Variants in NFATC1 observed in about 807,000 individuals in gnomAD.
The protein encoded by NFATC1 is nuclear factor of activated T-cells, cytoplasmic 1.
NFATC1 carries 22 observed loss-of-function variants against 76.0 expected under a neutral mutation model. That is an observed-to-expected ratio of 0.29 (90% CI 0.21 to 0.41). The LOEUF (loss-of-function observed/expected upper bound fraction) is 0.41, where lower values mean the gene tolerates loss of function less well. Among genes scored for constraint, NFATC1 ranks in the 10% least tolerant of loss-of-function variants. The pLI is 1.00. For synonymous variants in NFATC1, 704 were observed against 613.1 expected (o/e 1.15, Z -2.19); for missense variants, 1,357 against 1,337.7 (o/e 1.01, Z -0.23).
At chr18:79,474,655 G>A (rs34177656) in intron 8 of NFATC1, among the ~76,000 whole-genome samples, 24,771 of 142,460 alleles carry the variant, frequency 0.17, 2,362 homozygotes, top group East Asian at 0.33. Flanking sequence ...CACTGTCAAC[G>A]TTGTAAACCT....
Position 79,447,338 on chromosome 18 carries a change from C to T in NFATC1, c.1387-1444C>T, listed in dbSNP as rs147081510. On this transcript the variant is annotated intron_variant, in intron 3 of 9. Transcript: ENST00000427363. ...GCCCTGAGTGGGCAGCAGGCATCTG[C>T]GTGGTCAGGGGCAGGCGTCGCATTT... 3.5e-3 allele frequency among the ~76,000 whole-genome samples: 533 copies of T among 152,378 alleles called. 2 individuals are homozygous for T. The highest frequency in any genetic ancestry group is 0.012 in the African/African-American group (502 of 41,590).
At chr18:79,457,707 C>G (rs966774755) in intron 6 of NFATC1, among the ~76,000 whole-genome samples, 1 of 152,198 alleles carries the variant, frequency 6.6e-6, no homozygotes, top group African/African-American at 2.4e-5. Flanking sequence ...AGTGGCCACC[C>G]CTGCTCTCCC....
chr18:79,519,357 G>A (rs1395056856), intron 9 of NFATC1, among the ~76,000 whole-genome samples: 1 of 152,110 alleles, frequency 6.6e-6, no homozygotes, highest in African/African-American at 2.4e-5. Flanking sequence ...TCCTGAGACA[G>A]GGTCTTGCTC....
chr18:79,463,078 C>T (rs1039176093), intron 7 of NFATC1, among the ~76,000 whole-genome samples: 1 of 152,342 alleles, frequency 6.6e-6, no homozygotes, highest in Admixed American at 6.5e-5. Context: ...CAGCGCCCTT[C>T]CCCCAAGGAC....
Position 79,400,408 on chromosome 18 carries a change from A to C in NFATC1, c.127+4057A>C, listed in dbSNP as rs1416634770. On this transcript the variant is annotated intron_variant, in intron 1 of 9. Transcript: ENST00000427363. ...CGACCCGCCATGACGGGGCTGGAGGACCAGGAGTTCGACTTCGAGTTCCTC... is the reference window on the plus strand; with the variant it reads ...CGACCCGCCATGACGGGGCTGGAGGCCCAGGAGTTCGACTTCGAGTTCCTC... 4 of 1,493,138 alleles carry C rather than the reference A, an allele frequency of 2.7e-6. No individual in the cohort carries two copies. The African/African-American group carries it at 4.4e-5, about 16-fold the overall frequency. The allele number at this position is 1,493,138 out of a possible 1,614,324, so 92.5% of individuals were successfully genotyped here.
At chr18:79,492,706 C>T (rs2089717678) in intron 9 of NFATC1, among the ~76,000 whole-genome samples, 1 of 141,834 alleles carries the variant, frequency 7.1e-6, no homozygotes, top group Admixed American at 7.2e-5. Context: ...GAGACTCCAT[C>T]TCAAAAAAAA....
rs984362506 is a variant in NFATC1 at position 79,405,043 on chromosome 18, C to T, written c.128-5360C>T. Among the ~76,000 whole-genome samples the T allele has an allele frequency of 1.6e-4, 25 of 152,136 alleles. No individual in the cohort carries two copies. The East Asian group carries it at 4.8e-3, about 29-fold the overall frequency. Reference sequence around the variant, plus strand: ...CTCTGACATGTGGAACTTGCTGAGGCCAGTGGGACTAGGCTGGCCTGAGAG... The same window carrying T: ...CTCTGACATGTGGAACTTGCTGAGGTCAGTGGGACTAGGCTGGCCTGAGAG... On this transcript the variant is annotated intron_variant, in intron 1 of 9. Transcript: ENST00000427363.
chr18:79,403,601 G>A (rs1228038124), intron 1 of NFATC1, among the ~76,000 whole-genome samples: 1 of 152,252 alleles, frequency 6.6e-6, no homozygotes, highest in Non-Finnish European at 1.5e-5. Context: ...CAACTCAGAG[G>A]AAATTGGCCA....
In NFATC1 at chr18:79,486,405, C is replaced by T. The variant is rs781154594; in HGVS notation, c.2250C>T (p.Pro750=). Reference sequence around the variant, plus strand: ...CCTGCCTCGTGGCCGGCTTCCCGCCCTGTCCGCAGAGAAGCACCCTGATGC... The same window carrying T: ...CCTGCCTCGTGGCCGGCTTCCCGCCTTGTCCGCAGAGAAGCACCCTGATGC... ...PSSCLVAGFP[P]CPQRSTLMPA... is the part of the protein sequence containing the mutation. Residue 750 remains proline, a synonymous_variant, in exon 9 of 10, where the codon CCC becomes CCT. Coordinates refer to ENST00000427363, the MANE Select transcript of NFATC1 (RefSeq NM_001278669.2). 5 of 1,612,818 alleles carry T rather than the reference C, an allele frequency of 3.1e-6. No homozygotes were observed. The highest frequency in any genetic ancestry group is 1.6e-4 in the Middle Eastern group (1 of 6,062).
chr18:79,426,674 CT>C (rs1359241363), intron 2 of NFATC1, among the ~76,000 whole-genome samples: 1 of 152,268 alleles, frequency 6.6e-6, no homozygotes, highest in East Asian at 1.9e-4. Flanking sequence ...CCGGACCCCC[CT>C]GTGACTCAGC....
chr18:79,397,037 A>G (rs1348304241), intron 1 of NFATC1, among the ~76,000 whole-genome samples: 1 of 152,196 alleles, frequency 6.6e-6, no homozygotes, highest in Non-Finnish European at 1.5e-5. Context: ...GCTTCTTTAT[A>G]GTGAAAAAAA....
In NFATC1 at chr18:79,411,214, G is replaced by C; in HGVS notation, c.939G>C (p.Val313=). 1.2e-6 allele frequency: 2 copies of C among 1,608,262 alleles called. No homozygotes were observed. Among genetic ancestry groups the C allele is most frequent in the South Asian group, 2.2e-5 (2 of 91,078 alleles). Residue 313 remains valine, a synonymous_variant, in exon 2 of 10, where the codon GTG becomes GTC. Coordinates refer to ENST00000427363, the MANE Select transcript of NFATC1 (RefSeq NM_001278669.2). The part of the protein sequence containing the change: ...NTTQYTSSAI[V]AAINALTTDS... ...CCCAGTACACCAGCTCGGCCATCGT[G>C]GCCGCCATCAACGCGCTGACCACCG...
intron 3 of NFATC1, among the ~76,000 whole-genome samples, chr18:79,443,086 C>T (rs1476619958): frequency 6.6e-6 from 1 of 152,098 alleles, no homozygotes; most frequent in African/African-American, 2.4e-5. Context: ...TCAGTCGCGG[C>T]TGGAAGGTCC....
intron 7 of NFATC1, among the ~76,000 whole-genome samples, chr18:79,462,584 A>T (rs1436172411): frequency 6.6e-6 from 1 of 152,216 alleles, no homozygotes; most frequent in Non-Finnish European, 1.5e-5. Flanking sequence ...GATTACAGGC[A>T]TGAGCCACCG....
chr18:79,515,040 G>A (rs1049795546), intron 9 of NFATC1, among the ~76,000 whole-genome samples: 13 of 151,254 alleles, frequency 8.6e-5, no homozygotes, highest in Admixed American at 7.2e-4. Flanking sequence ...AGAGCAAGAC[G>A]CTGATTCTAA....
At chr18:79,398,268 G>A (rs1326737995) in intron 1 of NFATC1, among the ~76,000 whole-genome samples, 10 of 152,366 alleles carry the variant, frequency 6.6e-5, no homozygotes, top group Non-Finnish European at 1.0e-4. Context: ...AATGCCCCAC[G>A]GGCTGGGGCC....
At position 79,396,301 on chromosome 18, in the gene NFATC1, C is replaced by T. The variant is rs1269274569; in HGVS notation, c.77C>T (p.Thr26Ile). The T allele has an allele frequency of 7.0e-6, 10 of 1,437,838 alleles. No homozygotes were observed. The highest frequency in any genetic ancestry group is 9.2e-6 in the Non-Finnish European group (10 of 1,082,266). 89.1% of individuals were successfully genotyped at this position (1,437,838 alleles called of 1,614,324 possible). ...PAAAVFGRGE[T>I]LGPAPRAGGT... ...GCTGCGGTCTTCGGGAGAGGAGAAA[C>T]TTTGGGGCCCGCGCCGCGCGCCGGC... The change falls in exon 1 of 10, where the codon ACT becomes ATT. Residue 26 changes from threonine to isoleucine, a missense_variant. Thr to Ile is a moderately conservative substitution (Grantham distance 89, BLOSUM62 -1). Around this residue, in one of 3 missense-constraint regions of NFATC1, gnomAD observed 691 missense variants for 613.1 expected, o/e 1.13. Coordinates refer to ENST00000427363, the MANE Select transcript of NFATC1 (RefSeq NM_001278669.2).
rs1360332321 is a variant in NFATC1, at chr18:79,527,659, C to T, written c.*82C>T. On this transcript the variant is annotated 3_prime_UTR_variant, in exon 10 of 10. Transcript: ENST00000427363. ...CTTTTGAATAAATAAACTGAACTCA[C>T]ACCTGGTACCACTCAGAACCTCCAA... 2 of 1,221,582 alleles carry T rather than the reference C, an allele frequency of 1.6e-6. No individual in the cohort carries two copies. Among genetic ancestry groups the T allele is most frequent in the African/African-American group, 3.0e-5 (2 of 66,724 alleles). The allele number at this position is 1,221,582 out of a possible 1,614,324, so 75.7% of individuals were successfully genotyped here.
At chr18:79,491,393 G>A (rs751297776) in intron 9 of NFATC1, among the ~76,000 whole-genome samples, 40 of 152,222 alleles carry the variant, frequency 2.6e-4, no homozygotes, top group African/African-American at 3.6e-4. Context: ...TGTCCTCAGC[G>A]GGTGGAAAGT....
Sources: gnomAD v4.1 joint callset for allele counts (sites outside exome capture counted in the v4.1 genomes callset) on GRCh38, gnomAD v4.1.1 for gene constraint, gnomAD v4.1.1 regional missense constraint, MANE v1.5 for transcripts, NCBI Gene and HGNC (gene_info 2026-07-23, HGNC 2026-07-21) for gene names.